Variants in CCDC146 observed in about 807,000 individuals in gnomAD.
The protein encoded by CCDC146 is coiled-coil domain-containing protein 146.
A neutral mutation model predicts 119.3 loss-of-function variants in CCDC146; 92 were observed. That is an observed-to-expected ratio of 0.77 (90% CI 0.65 to 0.92). The LOEUF (loss-of-function observed/expected upper bound fraction) is 0.92. CCDC146 is among the 40% of genes least tolerant of loss of function. CCDC146 has a pLI of 0.00. For missense variants in CCDC146, 1,000 were observed against 1,103.0 expected, an observed-to-expected ratio of 0.91 and a Z score of 1.32; for synonymous variants, 372 against 371.8, an observed-to-expected ratio of 1.00 and a Z score of -0.01.
chr7:77,213,498 T>C lies in CCDC146; in HGVS notation c.157-23449T>C, dbSNP rs149679719. 1.2e-4 allele frequency among the ~76,000 whole-genome samples: 19 copies of C among 152,330 alleles called. No individual in the cohort carries two copies. The East Asian group carries it at 2.9e-3, about 23-fold the overall frequency. ...TTTCTTTTTAATTATTATTTTAAAT[T>C]CAGAGGTTATATGTACAGGTTTGCT... On this transcript the variant is annotated intron_variant, in intron 2 of 18. Transcript: ENST00000285871.
chr7:77,284,022 C>G (rs1391325413), intron 15 of CCDC146, among the ~76,000 whole-genome samples: 2 of 152,278 alleles, frequency 1.3e-5, no homozygotes, highest in East Asian at 3.9e-4. Context: ...GTGGCTCTGA[C>G]TCCTGCTTCC....
intron 17 of CCDC146, among the ~76,000 whole-genome samples, chr7:77,287,926 T>C (rs1793877936): frequency 6.6e-6 from 1 of 152,176 alleles, no homozygotes; most frequent in African/African-American, 2.4e-5. Flanking sequence ...TATCCAGTGA[T>C]CTTAGTAGGG....
chr7:77,228,401 C>T (rs891047402), intron 2 of CCDC146, among the ~76,000 whole-genome samples: 2 of 152,166 alleles, frequency 1.3e-5, no homozygotes, highest in African/African-American at 4.8e-5. Context: ...TAAGTGAGAA[C>T]ATGTGGTATT....
intron 9 of CCDC146, among the ~76,000 whole-genome samples, chr7:77,270,122 T>C (rs2150528111): frequency 6.6e-6 from 1 of 152,220 alleles, no homozygotes; most frequent in Non-Finnish European, 1.5e-5. Flanking sequence ...TTTAGAAAAA[T>C]ATCAAAGTGT....
intron 2 of CCDC146, among the ~76,000 whole-genome samples, chr7:77,228,306 T>TCCTCCCTTCC (rs1284483630): frequency 1.3e-5 from 2 of 152,254 alleles, no homozygotes; most frequent in East Asian, 3.9e-4. Flanking sequence ...CTCTCCCTTC[T>TCCTCCCTTCC]CCTCCCTTCC....
At chr7:77,193,442 G>A (rs574331357) in intron 2 of CCDC146, 2 of 152,136 alleles carry the variant, frequency 1.3e-5, no homozygotes, top group South Asian at 2.1e-4. Context: ...CTTTTATAAG[G>A]TTTTAAAAAG....
intron 1 of CCDC146, among the ~76,000 whole-genome samples, chr7:77,146,597 A>C (rs1212307380): frequency 6.6e-6 from 1 of 152,120 alleles, no homozygotes; most frequent in East Asian, 1.9e-4. Flanking sequence ...TCTTTTAGGG[A>C]AAGCCTGGTG....
chr7:77,274,614 G>A lies in CCDC146; in HGVS notation c.1402G>A (p.Glu468Lys). The A allele has an allele frequency of 6.2e-7, 1 of 1,611,406 alleles. No homozygotes were observed. Among genetic ancestry groups the A allele is most frequent in the Non-Finnish European group, 8.5e-7 (1 of 1,179,278 alleles). ...CCGCATGACTCAAATCAAAATTGAT[G>A]AAAAGGAACAAAAGTCCAAGGATTT... Reference protein sequence around the residue: ...LLRMTQIKIDEKEQKSKDFLK... With the variant: ...LLRMTQIKIDKKEQKSKDFLK... Residue 468 changes from glutamate (E) to lysine (K), a missense_variant, in exon 11 of 19, where the codon GAA (glutamate) becomes AAA (lysine). Glu to Lys is a moderately conservative substitution (Grantham distance 56). Coordinates refer to ENST00000285871, the MANE Select transcript of CCDC146 (RefSeq NM_020879.3).
chr7:77,256,172 A>C (rs1449541394), intron 5 of CCDC146, among the ~76,000 whole-genome samples, 161 bp from the exon 6 acceptor site: 9 of 152,234 alleles, frequency 5.9e-5, no homozygotes, highest in African/African-American at 2.2e-4. Context: ...CATAAGTTGC[A>C]TTTAGCTTTA....
intron 9 of CCDC146, among the ~76,000 whole-genome samples, chr7:77,265,679 A>G (rs1286305614): frequency 6.6e-6 from 1 of 152,272 alleles, no homozygotes. Flanking sequence ...TAGTTAAAAT[A>G]GAAAACATTG....
At chr7:77,189,616 C>T (rs749492182) in intron 2 of CCDC146, among the ~76,000 whole-genome samples, 2 of 152,106 alleles carry the variant, frequency 1.3e-5, no homozygotes, top group African/African-American at 2.4e-5. Flanking sequence ...CTAGGTAATC[C>T]GGTATACCAC....
chr7:77,276,444 C>T (rs1344905109), intron 11 of CCDC146, among the ~76,000 whole-genome samples: 1 of 152,104 alleles, frequency 6.6e-6, no homozygotes, highest in Admixed American at 6.5e-5. Flanking sequence ...TTCACATCCC[C>T]CTTTCACTGT....
chr7:77,132,292 C>T (rs1192229829), intron 1 of CCDC146, among the ~76,000 whole-genome samples: 2 of 151,930 alleles, frequency 1.3e-5, no homozygotes, highest in Non-Finnish European at 2.9e-5. Context: ...AGAAAACAAT[C>T]CCTCATGAAC....
intron 1 of CCDC146, among the ~76,000 whole-genome samples, chr7:77,137,056 T>C (rs957489239): frequency 2.6e-5 from 4 of 152,168 alleles, no homozygotes; most frequent in African/African-American, 9.7e-5. Flanking sequence ...CAAAGCCCAT[T>C]CATGATAAAA....
At chr7:77,233,094 G>GT (rs10645152) in intron 2 of CCDC146, among the ~76,000 whole-genome samples, 13,285 of 144,592 alleles carry the variant, frequency 0.092, 1,480 homozygotes, top group African/African-American at 0.26. Flanking sequence ...TCTTTTGTTT[G>GT]TTTTTTTTTT....
intron 3 of CCDC146, among the ~76,000 whole-genome samples, chr7:77,239,492 G>A (rs1792803996): frequency 6.6e-6 from 1 of 152,226 alleles, no homozygotes; most frequent in African/African-American, 2.4e-5. Flanking sequence ...TGGGAAAATG[G>A]ATGTATCTGT....
intron 2 of CCDC146, chr7:77,199,454 G>T (rs1474399424): frequency 1.2e-6 from 2 of 1,614,076 alleles, no homozygotes; most frequent in Non-Finnish European, 1.7e-6. Context: ...GGTAACAACA[G>T]TCCGTTTCTG....
intron 1 of CCDC146, among the ~76,000 whole-genome samples, chr7:77,128,691 T>G (rs1790742059): frequency 6.6e-6 from 1 of 151,956 alleles, no homozygotes; most frequent in Non-Finnish European, 1.5e-5. Flanking sequence ...GCTCCAAACA[T>G]AGATTTGCAC....
chr7:77,256,572 A>G, intron 6 of CCDC146, 63 bp downstream of exon 6: 3 of 1,340,766 alleles, frequency 2.2e-6, no homozygotes, highest in African/African-American at 2.9e-5. Flanking sequence ...GTGTGTGGGT[A>G]TCAAGAGTAA....
Sources: gnomAD v4.1 joint callset for allele counts (sites outside exome capture counted in the v4.1 genomes callset) on GRCh38, gnomAD v4.1.1 for gene constraint, MANE v1.5 for transcripts, NCBI Gene and HGNC (gene_info 2026-07-23, HGNC 2026-07-21) for gene names.